SFXN5: variants seen among roughly 807,000 people sequenced by gnomAD.
SFXN5 encodes the protein sideroflexin-5.
Under a neutral mutation model 50.2 loss-of-function variants are expected in SFXN5, and 43 were observed. The observed-to-expected ratio is 0.86, with a 90% CI of 0.67 to 1.11. The LOEUF (loss-of-function observed/expected upper bound fraction) is 1.11. Among genes scored for constraint, SFXN5 ranks in the 50% least tolerant of loss-of-function variants. SFXN5 has a pLI of 0.00. For missense variants in SFXN5, 463 were observed against 454.1 expected (o/e 1.02, Z -0.18); for synonymous variants, 203 against 185.8 (o/e 1.09, Z -0.75).
chr2:73,059,912 T>C lies in SFXN5; in HGVS notation c.103-1316A>G, dbSNP rs112679211. On this transcript the variant is annotated intron_variant, in intron 1 of 13. Coordinates refer to ENST00000272433, the MANE Select transcript of SFXN5 (RefSeq NM_144579.3). ...CAAGGATATTCACTGCTGCATTCTT[T>C]ACAAAGGTGGATGGTTAAATAAATG... The C allele has an allele frequency of 1.7e-3, 1,626 of 963,878 alleles. 89 individuals are homozygous for C. The African/African-American group carries it at 0.021, about 12-fold the overall frequency. 59.7% of individuals were successfully genotyped at this position (963,878 alleles called of 1,614,324 possible). A position where few individuals can be genotyped will look rare whatever the true frequency, so the allele number is the denominator to read the frequency against.
chr2:73,066,170 T>A (rs547858064), intron 1 of SFXN5, among the ~76,000 whole-genome samples: 1 of 152,120 alleles, frequency 6.6e-6, no homozygotes, highest in Admixed American at 6.5e-5. Flanking sequence ...AGAGATGCCA[T>A]CAGCAACATT....
At chr2:73,043,920 T>C (rs544613626) in intron 2 of SFXN5, among the ~76,000 whole-genome samples, 1 of 152,270 alleles carries the variant, frequency 6.6e-6, no homozygotes, top group South Asian at 2.1e-4. Context: ...GTGGGTGATT[T>C]AGTATTTGAA....
At chr2:73,062,328 G>C (rs1031123926) in intron 1 of SFXN5, among the ~76,000 whole-genome samples, 5 of 152,220 alleles carry the variant, frequency 3.3e-5, no homozygotes, top group African/African-American at 1.2e-4. Flanking sequence ...GTGGGGTAGA[G>C]CTGGGCTGGG....
chr2:73,001,012 T>C (rs1217262033), intron 7 of SFXN5, among the ~76,000 whole-genome samples: 1 of 152,212 alleles, frequency 6.6e-6, no homozygotes, highest in Admixed American at 6.5e-5. Context: ...TGCCCGTCTT[T>C]CTCTGCACAC....
chr2:72,945,087 G>A lies in SFXN5; in HGVS notation c.958C>T (p.Gln320Ter). ...GCCTGGGCTATCTCCGGCTCTAATTGGGATGTTTCAATCTGTGGAGAGAGA... is the reference window on the plus strand; with the variant it reads ...GCCTGGGCTATCTCCGGCTCTAATTAGGATGTTTCAATCTGTGGAGAGAGA... ...FPQMSEIETS[Q>*]LEPEIAQATS... is the part of the protein sequence containing the mutation. Residue 320 changes from glutamine to a stop codon, truncating the protein, a stop_gained, in exon 14 of 14, where the codon CAA becomes TAA. Transcript: ENST00000272433. LOFTEE classifies it high-confidence loss of function. This position sits in a 1 kb window ranked among gnomAD's most constrained non-coding sequence, Gnocchi z 5.8. 6.2e-7 allele frequency: 1 copy of A among 1,613,884 alleles called. No homozygotes were observed.
intron 12 of SFXN5, 31 bp downstream of exon 12, chr2:72,968,417 T>TG (rs760732359): frequency 1.9e-6 from 3 of 1,538,622 alleles, no homozygotes; most frequent in Non-Finnish European, 2.7e-6. Flanking sequence ...TCCCCCATGG[T>TG]GGCCTCTCCA....
At chr2:73,025,795 C>T (rs942190592) in intron 3 of SFXN5, among the ~76,000 whole-genome samples, 4 of 152,158 alleles carry the variant, frequency 2.6e-5, no homozygotes, top group African/African-American at 7.2e-5. Context: ...CAGGGAGAGA[C>T]GTTGAAAATG....
chr2:73,028,442 C>T (rs1259248021), intron 3 of SFXN5, among the ~76,000 whole-genome samples: 2 of 152,186 alleles, frequency 1.3e-5, no homozygotes, highest in Admixed American at 1.3e-4. Flanking sequence ...GCCATGCAGT[C>T]CCCATGCATC....
At chr2:72,957,368 A>G (rs1447712942) in intron 13 of SFXN5, among the ~76,000 whole-genome samples, 5 of 152,226 alleles carry the variant, frequency 3.3e-5, no homozygotes, top group Non-Finnish European at 7.3e-5. Flanking sequence ...TACCATTTTA[A>G]TAAGCAGAAC....
chr2:73,014,323 T>G (rs1180565007), intron 6 of SFXN5, among the ~76,000 whole-genome samples: 1 of 152,168 alleles, frequency 6.6e-6, no homozygotes, highest in Non-Finnish European at 1.5e-5. Flanking sequence ...ATTAGATGGT[T>G]TGTCCTTTTT....
chr2:73,020,937 C>G (rs747031760), intron 5 of SFXN5: 1 of 152,310 alleles, frequency 6.6e-6, no homozygotes, highest in Non-Finnish European at 1.5e-5. Flanking sequence ...CAACCTCTAA[C>G]CGTGGCAGCC....
chr2:72,998,889 G>A (rs1673570638), intron 9 of SFXN5, 60 bp downstream of exon 9: 4 of 1,574,150 alleles, frequency 2.5e-6, no homozygotes, highest in Non-Finnish European at 3.5e-6. Context: ...CACCTGCAAT[G>A]CTGAGCGGGG....
At chr2:73,022,394 T>G in intron 5 of SFXN5, 128 bp downstream of exon 5, 1 of 730,784 alleles carries the variant, frequency 1.4e-6, no homozygotes, top group Non-Finnish European at 2.5e-6. Context: ...AATGTAGAGG[T>G]GCAAATATGG....
chr2:73,040,521 C>A (rs1679484036), intron 3 of SFXN5, among the ~76,000 whole-genome samples: 1 of 152,176 alleles, frequency 6.6e-6, no homozygotes, highest in South Asian at 2.1e-4. Flanking sequence ...GGTATAAATA[C>A]TCCCATCATG....
intron 2 of SFXN5, among the ~76,000 whole-genome samples, chr2:73,047,369 A>C (rs1469109549): frequency 6.9e-6 from 1 of 144,566 alleles, no homozygotes; most frequent in East Asian, 2.0e-4. Flanking sequence ...ATATGTATAT[A>C]TATGTATATA....
chr2:73,036,632 G>T (rs1679016362), intron 3 of SFXN5, among the ~76,000 whole-genome samples: 1 of 152,154 alleles, frequency 6.6e-6, no homozygotes, highest in Non-Finnish European at 1.5e-5. Flanking sequence ...AGGAAATGTG[G>T]CTTCATTCCC....
intron 6 of SFXN5, among the ~76,000 whole-genome samples, chr2:73,012,648 CA>C (rs1232681711): frequency 9.0e-6 from 1 of 110,862 alleles, no homozygotes; most frequent in Admixed American, 1.1e-4. Context: ...TCTAGCCAAA[CA>C]ACACACACAC....
Position 72,961,246 on chromosome 2 carries a change from G to T in SFXN5, c.830C>A (p.Thr277Lys). 6.5e-7 allele frequency: 1 copy of T among 1,527,340 alleles called. No individual in the cohort carries two copies. The highest frequency in any genetic ancestry group is 1.2e-5 in the South Asian group (1 of 82,190). The allele number at this position is 1,527,340 out of a possible 1,614,324, so 94.6% of individuals were successfully genotyped here. A position where few individuals can be genotyped will look rare whatever the true frequency, so the allele number is the denominator to read the frequency against. ...PPIVMSMLEK[T>K]ALLQARPRLL... ...CCGGGGGCGTGCCTGCAGGAGAGCC[G>T]TCCTGTGAGGGAGAGAGGAGGGAGC... is the stretch of plus-strand genomic sequence containing the variant. Residue 277 changes from threonine to lysine, a missense_variant and splice_region_variant, in exon 13 of 14, where the codon ACG becomes AAG. Coordinates refer to ENST00000272433, the MANE Select transcript of SFXN5 (RefSeq NM_144579.3). This position sits in a 1 kb window ranked among gnomAD's most constrained non-coding sequence, Gnocchi z 4.4.
chr2:73,054,517 G>A (rs149421238), intron 2 of SFXN5, among the ~76,000 whole-genome samples: 344 of 152,228 alleles, frequency 2.3e-3, no homozygotes, highest in Non-Finnish European at 2.9e-3. Flanking sequence ...GAAATGATCC[G>A]AGAATGGGAG....
Sources: gnomAD v4.1 joint callset for allele counts (sites outside exome capture counted in the v4.1 genomes callset) on GRCh38, gnomAD v4.1.1 for gene constraint, Gnocchi (gnomAD v3.1) non-coding constraint, MANE v1.5 for transcripts, NCBI Gene and HGNC (gene_info 2026-07-23, HGNC 2026-07-21) for gene names.